Variants in ZEB1 observed in about 807,000 individuals in gnomAD.
ZEB1 encodes zinc finger E-box binding homeobox 1, also known as zinc finger E-box-binding homeobox 1.
ZEB1 carries 21 observed loss-of-function variants against 84.9 expected under a neutral mutation model. The observed-to-expected ratio is 0.25, with a 90% CI of 0.18 to 0.36. The LOEUF is 0.36. ZEB1 is among the 10% of genes least tolerant of loss of function. The pLI is 1.00. For synonymous variants in ZEB1, 420 were observed against 471.1 expected, an observed-to-expected ratio of 0.89 and a Z score of 1.41; for missense variants, 1,104 against 1,330.2, an observed-to-expected ratio of 0.83 and a Z score of 2.65.
intron 2 of ZEB1, among the ~76,000 whole-genome samples, chr10:31,466,220 G>GA (rs2062401897): frequency 6.6e-6 from 1 of 152,148 alleles, no homozygotes; most frequent in Non-Finnish European, 1.5e-5. Flanking sequence ...CATCTAGACA[G>GA]AAAATCAATA....
intron 1 of ZEB1, among the ~76,000 whole-genome samples, chr10:31,452,513 C>A (rs1396857603): frequency 1.3e-5 from 2 of 151,956 alleles, no homozygotes; most frequent in South Asian, 2.1e-4. Context: ...ATTTTGTGTA[C>A]CTGTTTGCCT....
chr10:31,452,318 T>A (rs934903814), intron 1 of ZEB1, among the ~76,000 whole-genome samples: 3 of 152,118 alleles, frequency 2.0e-5, no homozygotes, highest in African/African-American at 7.2e-5. Flanking sequence ...TTACATTATA[T>A]CCTTCATTAT....
Position 31,520,732 on chromosome 10 carries a change from A to T in ZEB1, c.1400A>T (p.Asp467Val). 1 of 1,614,106 alleles carries T rather than the reference A, an allele frequency of 6.2e-7. No homozygotes were observed. Among genetic ancestry groups the T allele is most frequent in the Non-Finnish European group, 8.5e-7 (1 of 1,179,996 alleles). Residue 467 changes from aspartate to valine, a missense_variant, in exon 7 of 9, where the codon GAT (aspartate) becomes GTT (valine). Asp to Val is a radical substitution (Grantham distance 152). Around this residue, in one of 7 missense-constraint regions of ZEB1, gnomAD observed 531 missense variants for 575.2 expected, o/e 0.92. Coordinates refer to ENST00000424869, the MANE Select transcript of ZEB1 (RefSeq NM_001174096.2). This position sits in a 1 kb window ranked among gnomAD's most constrained non-coding sequence, Gnocchi z 5.1. ...TCAGCCATCAGTCTTCCTTTGGTTG[A>T]TCAAGATGGAACAACCAAAATTATC... ...VISAISLPLV[D>V]QDGTTKIIIN...
chr10:31,366,447 G>T (rs981562440), intron 1 of ZEB1, among the ~76,000 whole-genome samples: 3 of 152,062 alleles, frequency 2.0e-5, no homozygotes, highest in Non-Finnish European at 4.4e-5. Flanking sequence ...GAGCCACTGC[G>T]CCTGGCCATA....
At chr10:31,407,280 G>A (rs1226543361) in intron 1 of ZEB1, among the ~76,000 whole-genome samples, 4 of 126,284 alleles carry the variant, frequency 3.2e-5, no homozygotes, top group Non-Finnish European at 6.2e-5. Flanking sequence ...AGAGTGTGAT[G>A]TTCCCCTTCC....
rs200331970 is a variant in ZEB1, at chr10:31,376,492, T to C, written c.58+57200T>C. Among the ~76,000 whole-genome samples, 23 of 151,858 alleles carry C rather than the reference T, an allele frequency of 1.5e-4. No homozygotes were observed. In the East Asian group the frequency reaches 4.4e-3, roughly 29 times the overall value. On this transcript the variant is annotated intron_variant, in intron 1 of 8. Transcript: ENST00000424869. ...CCAAGAAACGTGAATATGAGCAGAATAAACACATGCATATTATATACATTA... is the reference window on the plus strand; with the variant it reads ...CCAAGAAACGTGAATATGAGCAGAACAAACACATGCATATTATATACATTA...
intron 1 of ZEB1, among the ~76,000 whole-genome samples, chr10:31,423,541 G>A (rs2056508222): frequency 6.6e-6 from 1 of 151,986 alleles, no homozygotes; most frequent in South Asian, 2.1e-4. Flanking sequence ...TATGCAATAG[G>A]TATACTCCCA....
intron 1 of ZEB1, among the ~76,000 whole-genome samples, chr10:31,412,703 T>C (rs1292484281): frequency 2.0e-5 from 3 of 152,218 alleles, no homozygotes; most frequent in Non-Finnish European, 2.9e-5. Flanking sequence ...TATAGAATGC[T>C]ATGGACTCAT....
At chr10:31,444,547 G>A (rs1207917828) in intron 1 of ZEB1, among the ~76,000 whole-genome samples, 5 of 151,230 alleles carry the variant, frequency 3.3e-5, no homozygotes, top group African/African-American at 1.2e-4. Context: ...ATGGTTTTAG[G>A]TCTAAAGTTT....
intron 2 of ZEB1, among the ~76,000 whole-genome samples, chr10:31,473,384 C>A (rs1403333308): frequency 6.6e-6 from 1 of 151,414 alleles, no homozygotes. Flanking sequence ...AATCAATGTA[C>A]AAAAATCACA....
At chr10:31,502,674 G>T (rs1165216884) in intron 4 of ZEB1, among the ~76,000 whole-genome samples, 165 bp downstream of exon 4, 1 of 152,150 alleles carries the variant, frequency 6.6e-6, no homozygotes, top group Admixed American at 6.5e-5. Flanking sequence ...ACACTATGAT[G>T]ACCATGCAGT....
chr10:31,328,485 A>G (rs1184923643), intron 1 of ZEB1, among the ~76,000 whole-genome samples: 1 of 152,176 alleles, frequency 6.6e-6, no homozygotes, highest in Admixed American at 6.5e-5. Flanking sequence ...GGATCAGCTG[A>G]CAATTTTTTA....
chr10:31,503,179 C>A (rs1202759198), intron 4 of ZEB1, among the ~76,000 whole-genome samples: 1 of 151,930 alleles, frequency 6.6e-6, no homozygotes, highest in Non-Finnish European at 1.5e-5. Flanking sequence ...ACAATGAAAC[C>A]TAAAGAAATG....
At chr10:31,320,380 T>G (rs1405969243) in intron 1 of ZEB1, 1 of 152,024 alleles carries the variant, frequency 6.6e-6, no homozygotes, top group Non-Finnish European at 1.5e-5. Flanking sequence ...CGCCTCGCGC[T>G]TTTCTCTTTC....
intron 1 of ZEB1, among the ~76,000 whole-genome samples, chr10:31,385,880 T>C (rs907395998): frequency 3.4e-4 from 52 of 152,168 alleles, no homozygotes; most frequent in African/African-American, 1.2e-3. Flanking sequence ...TTGGAAAACA[T>C]TTAAAGGAAA....
intron 1 of ZEB1, among the ~76,000 whole-genome samples, chr10:31,445,476 G>A (rs1263354004): frequency 2.0e-5 from 3 of 148,310 alleles, no homozygotes; most frequent in East Asian, 2.0e-4. Context: ...GTGAGAGAGG[G>A]CATCCCTGTC....
intron 1 of ZEB1, among the ~76,000 whole-genome samples, chr10:31,351,285 G>C (rs886321869): frequency 6.6e-6 from 1 of 152,076 alleles, no homozygotes; most frequent in African/African-American, 2.4e-5. Context: ...TTTTATTTCT[G>C]GATATAGAAT....
chr10:31,487,285 T>C (rs1180748174), intron 2 of ZEB1, among the ~76,000 whole-genome samples: 1 of 151,488 alleles, frequency 6.6e-6, no homozygotes, highest in African/African-American at 2.4e-5. Flanking sequence ...ATATTAAAAA[T>C]AATCATGCTG....
intron 1 of ZEB1, among the ~76,000 whole-genome samples, chr10:31,369,369 A>G (rs952143387): frequency 6.6e-6 from 1 of 151,926 alleles, no homozygotes; most frequent in African/African-American, 2.4e-5. Flanking sequence ...CCACCCTCCT[A>G]CCCTAGCCTC....
Sources: allele counts gnomAD v4.1 joint callset (sites outside exome capture counted in the v4.1 genomes callset), GRCh38; gene constraint gnomAD v4.1.1; regional missense constraint gnomAD v4.1.1; non-coding constraint Gnocchi (gnomAD v3.1); transcripts MANE v1.5; gene names NCBI Gene and HGNC (gene_info 2026-07-23, HGNC 2026-07-21).